Variants in BSG observed in about 807,000 individuals in gnomAD.
BSG encodes the protein basigin (Ok blood group).
BSG carries 37 observed loss-of-function variants against 43.1 expected under a neutral mutation model. That is an observed-to-expected ratio of 0.86 (90% confidence interval 0.66 to 1.13). BSG has a LOEUF of 1.13. Ranked by LOEUF, BSG falls within the 50% of genes most tolerant of loss-of-function variation. The pLI is 0.00. For missense variants in BSG, 599 were observed against 554.2 expected, an observed-to-expected ratio of 1.08 and a Z score of -0.81; for synonymous variants, 309 against 238.7, an observed-to-expected ratio of 1.29 and a Z score of -2.72.
chr19:571,302 C>G (rs1213164950), upstream of BSG: 1 of 585,586 alleles, frequency 1.7e-6, no homozygotes, highest in Non-Finnish European at 3.0e-6. Context: ...ACATTCCTGC[C>G]CCTTTCCAGT....
At chr19:575,406 C>G (rs551356579) in intron 1 of BSG, 1 of 152,100 alleles carries the variant, frequency 6.6e-6, no homozygotes, top group South Asian at 2.1e-4. Flanking sequence ...CAAGGTTGGC[C>G]GTCCGCGTCT....
rs114970040 is a variant in BSG at position 576,487 on chromosome 19, C to G, written c.68-1287C>G. Among the ~76,000 whole-genome samples, 776 of 152,316 alleles carry G rather than the reference C, an allele frequency of 5.1e-3. 6 individuals carry two copies. Among genetic ancestry groups the G allele is most frequent in the African/African-American group, 0.018 (736 of 41,562 alleles). On this transcript the variant is annotated intron_variant, in intron 1 of 8. Transcript: ENST00000333511. ...TGTGAAAATGGCACTGCCAGCCAGG[C>G]GCGGTGGCTCACGCCTGTAATCCCA...
rs780689888 is a variant in BSG at position 579,616 on chromosome 19, C to T, written c.532C>T (p.Leu178=). 6.2e-7 allele frequency: 1 copy of T among 1,612,346 alleles called. No individual in the cohort carries two copies. Among genetic ancestry groups the T allele is most frequent in the South Asian group, 1.1e-5 (1 of 91,052 alleles). Reference sequence around the variant, plus strand: ...CCGCTGGCTGAAGGGGGGCGTGGTGCTGAAGGAGGACGCGCTGCCCGGCCA... The same window carrying T: ...CCGCTGGCTGAAGGGGGGCGTGGTGTTGAAGGAGGACGCGCTGCCCGGCCA... ...GHRWLKGGVV[L]KEDALPGQKT... is the part of the protein sequence containing the mutation. The change falls in exon 3 of 9, where the codon CTG becomes TTG. Residue 178 remains leucine (L), a synonymous_variant. Coordinates refer to ENST00000333511, the MANE Select transcript of BSG (RefSeq NM_001728.4).
At chr19:581,238 CCGGACTCAGCCCTCA>C (rs1376899574) in intron 5 of BSG, 62 bp from the exon 6 acceptor site, 1 of 1,349,346 alleles carries the variant, frequency 7.4e-7, no homozygotes, top group African/African-American at 2.1e-5. Flanking sequence ...ACTGGGGGTC[CCGGACTCAGCCCTCA>C]GGACTGGGTG....
At chr19:573,253 G>T (rs1192070063) in intron 1 of BSG, among the ~76,000 whole-genome samples, 1 of 152,202 alleles carries the variant, frequency 6.6e-6, no homozygotes, top group African/African-American at 2.4e-5. Flanking sequence ...CGCAGGACCT[G>T]GGGAAAGCGG....
At position 577,957 on chromosome 19, in the gene BSG, C is replaced by G; in HGVS notation, c.251C>G (p.Thr84Ser). Reference protein sequence around the residue: ...ARLDRVHIHATYHQHAASTIS... With the variant: ...ARLDRVHIHASYHQHAASTIS... The stretch of plus-strand genomic sequence containing the variant: ...CTGGACCGCGTCCACATCCACGCCA[C>G]CTACCACCAGCACGCGGCCAGCACC... The change falls in exon 2 of 9, where the codon ACC becomes AGC. Residue 84 changes from threonine (T) to serine (S), a missense_variant. Physicochemically the swap from Thr to Ser is moderately conservative, Grantham distance 58. Coordinates refer to ENST00000333511, the MANE Select transcript of BSG (RefSeq NM_001728.4). 6.2e-7 allele frequency: 1 copy of G among 1,611,904 alleles called. No homozygotes were observed. Among genetic ancestry groups the G allele is most frequent in the Non-Finnish European group, 8.5e-7 (1 of 1,179,464 alleles).
intron 1 of BSG, among the ~76,000 whole-genome samples, chr19:574,325 G>A (rs999959776): frequency 3.6e-4 from 54 of 151,782 alleles, no homozygotes; most frequent in African/African-American, 1.3e-3. Flanking sequence ...AGGCCGAGGC[G>A]GGCGGATCAC....
intron 1 of BSG, among the ~76,000 whole-genome samples, chr19:573,256 G>C (rs1441664368): frequency 2.6e-5 from 4 of 152,188 alleles, no homozygotes; most frequent in Non-Finnish European, 5.9e-5. Context: ...AGGACCTGGG[G>C]AAAGCGGCCT....
At chr19:573,714 G>T (rs1981500745) in intron 1 of BSG, among the ~76,000 whole-genome samples, 1 of 112,758 alleles carries the variant, frequency 8.9e-6, no homozygotes, top group African/African-American at 3.7e-5. Context: ...TCACAGTGAG[G>T]GGGCCCTGGC....
Position 580,721 on chromosome 19 carries a change from C to T in BSG, c.731C>T (p.Ser244Leu). 6.2e-7 allele frequency: 1 copy of T among 1,612,888 alleles called. No individual in the cohort carries two copies. The highest frequency in any genetic ancestry group is 8.5e-7 in the Non-Finnish European group (1 of 1,179,972). Reference sequence around the variant, plus strand: ...GAGACGGCCATGCTGGTCTGCAAGTCAGAGTCCGTGCCACCTGTCACTGAC... The same window carrying T: ...GAGACGGCCATGCTGGTCTGCAAGTTAGAGTCCGTGCCACCTGTCACTGAC... ...EGETAMLVCK[S>L]ESVPPVTDWA... Residue 244 changes from serine to leucine, a missense_variant, in exon 5 of 9, where the codon TCA (serine) becomes TTA (leucine). Transcript: ENST00000333511.
At chr19:576,809 G>C (rs980739488) in intron 1 of BSG, among the ~76,000 whole-genome samples, 1 of 151,944 alleles carries the variant, frequency 6.6e-6, no homozygotes, top group Non-Finnish European at 1.5e-5. Flanking sequence ...TGTCAACTGC[G>C]CCTGCCCAGA....
intron 1 of BSG, among the ~76,000 whole-genome samples, chr19:573,163 G>C (rs2145884516): frequency 6.6e-6 from 1 of 152,330 alleles, no homozygotes; most frequent in South Asian, 2.1e-4. Context: ...CAAAGCCTGG[G>C]TGAGCGTCCC....
chr19:572,437 C>G, upstream of BSG: 1 of 1,141,998 alleles, frequency 8.8e-7, no homozygotes, highest in Non-Finnish European at 1.1e-6. Context: ...GTAGCGTGAG[C>G]CTGCCGGAGC....
At position 582,338 on chromosome 19, in the gene BSG, C is replaced by T; in HGVS notation, c.1094+8C>T. 4.4e-6 allele frequency: 7 copies of T among 1,596,596 alleles called. No individual in the cohort carries two copies. Among genetic ancestry groups the T allele is most frequent in the South Asian group, 2.3e-5 (2 of 88,480 alleles). ...CGCCGGCTCTGCACCCCTGTAAGTT[C>T]CAGCTGTGGGGGTCGGGGGTCCCAA... On this transcript the variant is annotated splice_region_variant and intron_variant, in intron 7 of 8. Transcript: ENST00000333511.
At chr19:579,787 C>A (rs953617566) in intron 3 of BSG, 131 bp downstream of exon 3, 2 of 1,365,676 alleles carry the variant, frequency 1.5e-6, no homozygotes, top group South Asian at 1.5e-5. Flanking sequence ...GGACCAGCTC[C>A]GCGCAGACCC....
intron 5 of BSG, 147 bp downstream of exon 5, chr19:580,929 G>C: frequency 1.8e-6 from 1 of 547,746 alleles, no homozygotes; most frequent in Non-Finnish European, 3.2e-6. Flanking sequence ...ACTGGGTGAG[G>C]GGCCTAGACT....
intron 3 of BSG, chr19:580,093 A>G (rs1568352421): frequency 2.2e-6 from 1 of 458,330 alleles, no homozygotes. Flanking sequence ...TTTCAGGCTG[A>G]CTGGGAAGAC....
intron 8 of BSG, 73 bp from the exon 9 acceptor site, chr19:582,677 G>A (rs1022972085): frequency 7.4e-7 from 1 of 1,345,806 alleles, no homozygotes; most frequent in Non-Finnish European, 1.0e-6. Flanking sequence ...TGCTAGCCAG[G>A]TGTGGGCTCC....
At chr19:575,501 A>C (rs1346716016) in intron 1 of BSG, 1 of 139,100 alleles carries the variant, frequency 7.2e-6, no homozygotes, top group Non-Finnish European at 1.5e-5. Flanking sequence ...GCCTCAGATG[A>C]GAGGAGTGGG....
Sources: allele counts gnomAD v4.1 joint callset (sites outside exome capture counted in the v4.1 genomes callset), GRCh38; gene constraint gnomAD v4.1.1; transcripts MANE v1.5; gene names NCBI Gene and HGNC (gene_info 2026-07-23, HGNC 2026-07-21).